Variants in USP39 observed in about 807,000 individuals in gnomAD.
USP39 encodes ubiquitin carboxyl-terminal hydrolase 39.
A neutral mutation model predicts 66.4 loss-of-function variants in USP39; 38 were observed. The ratio of observed to expected loss-of-function variants is 0.57; its 90% confidence interval spans 0.44 to 0.75. The LOEUF is 0.75. Ranked by LOEUF, USP39 falls within the 30% of genes least tolerant of loss-of-function variation. The pLI is 0.00. For synonymous variants in USP39, 303 were observed against 274.6 expected, an observed-to-expected ratio of 1.10 and a Z score of -1.02; for missense variants, 608 against 714.4, an observed-to-expected ratio of 0.85 and a Z score of 1.70.
At chr2:85,617,747 A>C (rs1358708851) in intron 1 of USP39, among the ~76,000 whole-genome samples, 1 of 152,184 alleles carries the variant, frequency 6.6e-6, no homozygotes. Flanking sequence ...GCCTTGTGGG[A>C]ATTCACTTGG....
At chr2:85,627,937 T>C (rs1675000979) in intron 5 of USP39, among the ~76,000 whole-genome samples, 1 of 152,222 alleles carries the variant, frequency 6.6e-6, no homozygotes, top group South Asian at 2.1e-4. Flanking sequence ...GTTGCATATG[T>C]TGCACATGTT....
intron 10 of USP39, among the ~76,000 whole-genome samples, chr2:85,644,683 A>G (rs1262629149): frequency 2.0e-5 from 3 of 151,236 alleles, no homozygotes; most frequent in Non-Finnish European, 4.4e-5. Context: ...TTGACCTCTC[A>G]AAGTGTTGGG....
chr2:85,616,122 T>C, upstream of USP39: 2 of 1,386,698 alleles, frequency 1.4e-6, no homozygotes, highest in Middle Eastern at 2.7e-4. Flanking sequence ...TACCAGCCCC[T>C]CTCCTGATTG....
At chr2:85,616,516 T>G (rs1031848407) in intron 1 of USP39, 53 bp downstream of exon 1, 22 of 1,394,094 alleles carry the variant, frequency 1.6e-5, no homozygotes, top group Non-Finnish European at 2.1e-5. Context: ...TTCGCGTCCT[T>G]TTTTCTTGTC....
chr2:85,610,446 G>A (rs114334045), upstream of USP39: 1,307 of 152,378 alleles, frequency 8.6e-3, 16 homozygotes, highest in Middle Eastern at 0.02. Flanking sequence ...CTGGAAAGCA[G>A]AAGGGTGGAT....
Position 85,648,887 on chromosome 2 carries a change from A to G in USP39, c.*79A>G. ...GAACACAGAAGCTGTAGCTGAACAC[A>G]GGCTGGCTGGTGGGCTTCCTAGGCC... On this transcript the variant is annotated 3_prime_UTR_variant, in exon 13 of 13. Coordinates refer to ENST00000323701, the MANE Select transcript of USP39 (RefSeq NM_006590.4). The G allele has an allele frequency of 1.9e-6, 3 of 1,577,740 alleles. No individual in the cohort carries two copies. Among genetic ancestry groups the G allele is most frequent in the Non-Finnish European group, 2.6e-6 (3 of 1,151,900 alleles).
At chr2:85,611,882 C>A, upstream of USP39, 1 of 1,596,430 alleles carries the variant, frequency 6.3e-7, no homozygotes, top group Non-Finnish European at 8.5e-7. Context: ...CGGTACCGAG[C>A]GATCTGGTTC....
At chr2:85,615,035 G>GTGTGGTGTGGTGTGGT (rs1345579059), upstream of USP39, among the ~76,000 whole-genome samples, 1 of 151,310 alleles carries the variant, frequency 6.6e-6, no homozygotes, top group African/African-American at 2.4e-5. Context: ...GTGTGGTGTG[G>GTGTGGTGTGGTGTGGT]GTATGACAGA....
At chr2:85,626,141 C>G (rs1395327144) in intron 5 of USP39, among the ~76,000 whole-genome samples, 1 of 152,068 alleles carries the variant, frequency 6.6e-6, no homozygotes, top group Non-Finnish European at 1.5e-5. Flanking sequence ...GGGAGGATCA[C>G]CTGAGGTCAG....
intron 1 of USP39, among the ~76,000 whole-genome samples, chr2:85,617,958 C>CT (rs34086230): frequency 0.72 from 104,528 of 144,446 alleles, 39,028 homozygotes; most frequent in African/African-American, 0.92. Context: ...CATGTACATT[C>CT]TTTTTTTTTT....
intron 11 of USP39, among the ~76,000 whole-genome samples, chr2:85,646,995 C>A (rs577922849): frequency 4.7e-5 from 7 of 148,776 alleles, no homozygotes; most frequent in African/African-American, 1.7e-4. Flanking sequence ...TCAAGTGATT[C>A]TCCTGCCTCA....
chr2:85,626,005 G>A lies in USP39; in HGVS notation c.723+314G>A, dbSNP rs149122570. On this transcript the variant is annotated intron_variant, in intron 5 of 12. Transcript: ENST00000323701. Reference sequence around the variant, plus strand: ...TGCACTCCAGCCTGGGGAACAGTGAGACTCTGTTTCAAGAAAAAAAAAAGA... The same window carrying A: ...TGCACTCCAGCCTGGGGAACAGTGAAACTCTGTTTCAAGAAAAAAAAAAGA... Among the ~76,000 whole-genome samples the A allele has an allele frequency of 3.7e-3, 559 of 149,606 alleles. 3 individuals carry two copies. The highest frequency in any genetic ancestry group is 0.013 in the African/African-American group (536 of 40,618).
At chr2:85,611,166 C>A (rs1673495354), upstream of USP39, 4 of 872,664 alleles carry the variant, frequency 4.6e-6, no homozygotes, top group South Asian at 9.3e-5. Context: ...CCAGATCGCA[C>A]CATTGCACTC....
At chr2:85,623,181 A>G (rs1302369080) in intron 3 of USP39, among the ~76,000 whole-genome samples, 2 of 152,132 alleles carry the variant, frequency 1.3e-5, no homozygotes, top group African/African-American at 4.8e-5. Flanking sequence ...TAGATAAAGC[A>G]TTGTCCTGAA....
rs535660699 is a variant in USP39 at position 85,619,242 on chromosome 2, T to A, written c.291T>A (p.Ser97=). The A allele has an allele frequency of 6.2e-7, 1 of 1,613,890 alleles. No homozygotes were observed. The highest frequency in any genetic ancestry group is 8.5e-7 in the Non-Finnish European group (1 of 1,179,966). ...CAGCAAAGAATGGCCGAGTGGATTCTGAGGACCGGAGGAGCCGCCACTGCC... is the reference window on the plus strand; with the variant it reads ...CAGCAAAGAATGGCCGAGTGGATTCAGAGGACCGGAGGAGCCGCCACTGCC... ...EVRAKNGRVD[S]EDRRSRHCPY... The change falls in exon 2 of 13, where the codon TCT becomes TCA. Residue 97 remains serine (S), a synonymous_variant. Coordinates refer to ENST00000323701, the MANE Select transcript of USP39 (RefSeq NM_006590.4).
chr2:85,638,966 T>C (rs1676015277), intron 8 of USP39, among the ~76,000 whole-genome samples: 1 of 152,054 alleles, frequency 6.6e-6, no homozygotes, highest in African/African-American at 2.4e-5. Context: ...GCCATCACAC[T>C]TGGCCTCAGG....
intron 1 of USP39, among the ~76,000 whole-genome samples, chr2:85,618,190 A>G (rs2104218978): frequency 6.6e-6 from 1 of 152,060 alleles, no homozygotes; most frequent in South Asian, 2.1e-4. Flanking sequence ...TCCTGACCTC[A>G]GGTGAGCCGC....
At chr2:85,626,354 C>G (rs1375363634) in intron 5 of USP39, among the ~76,000 whole-genome samples, 3 of 152,136 alleles carry the variant, frequency 2.0e-5, no homozygotes, top group African/African-American at 4.8e-5. Flanking sequence ...AGCGAAACTC[C>G]TCCGTCTCAA....
At position 85,625,577 on chromosome 2, in the gene USP39, A is replaced by G. The variant is rs374670578; in HGVS notation, c.609A>G (p.Ala203=). The G allele has an allele frequency of 6.2e-7, 1 of 1,614,058 alleles. No homozygotes were observed. Among genetic ancestry groups the G allele is most frequent in the African/African-American group, 1.3e-5 (1 of 74,950 alleles). Residue 203 remains alanine, a synonymous_variant, in exon 5 of 13, where the codon GCA becomes GCG. Transcript: ENST00000323701. ...CCACTTTCACAAAGCAGCAAATTGC[A>G]AACTTGGACAAGCAAGCCAAATTGT... ...LKPTFTKQQI[A]NLDKQAKLSR... is the part of the protein sequence containing the mutation.
Sources: allele counts gnomAD v4.1 joint callset (sites outside exome capture counted in the v4.1 genomes callset), GRCh38; gene constraint gnomAD v4.1.1; transcripts MANE v1.5; gene names NCBI Gene and HGNC (gene_info 2026-07-23, HGNC 2026-07-21).